Variants in ELK3 observed in about 807,000 individuals in gnomAD.
ELK3 encodes the protein ETS transcription factor ELK3.
A neutral mutation model predicts 28.9 loss-of-function variants in ELK3; 10 were observed. The observed-to-expected ratio is 0.35, with a 90% CI of 0.21 to 0.59. The LOEUF (loss-of-function observed/expected upper bound fraction) is 0.59, where lower values mean the gene tolerates loss of function less well. ELK3 is among the 20% of genes least tolerant of loss of function. ELK3 has a pLI of 0.82. For missense variants in ELK3, 463 were observed against 517.3 expected (o/e 0.90, Z 1.02); for synonymous variants, 272 against 243.5 (o/e 1.12, Z -1.09).
rs773099453 is a variant in ELK3, at chr12:96,267,963, T to C, written c.*783T>C. The C allele has an allele frequency of 2.0e-5, 3 of 152,230 alleles. No individual in the cohort carries two copies. The highest frequency in any genetic ancestry group is 2.9e-5 in the Non-Finnish European group (2 of 68,022). 9.4% of individuals were successfully genotyped at this position (152,230 alleles called of 1,614,324 possible). A position where few individuals can be genotyped will look rare whatever the true frequency, so the allele number is the denominator to read the frequency against. The stretch of plus-strand genomic sequence containing the variant: ...TCTGAGATGGAAAAGCTACATCAAG[T>C]TCATGCTATTCCAGGCCCAAGAATA... On this transcript the variant is annotated 3_prime_UTR_variant, in exon 5 of 5. Transcript: ENST00000228741.
chr12:96,267,492 G>A lies in ELK3; in HGVS notation c.*312G>A, dbSNP rs574696191. ...AATGGTTTTCAGTATAACTAATAAG[G>A]ATGTGAAGCTTTTTTCTCTTTAGTT... is the stretch of plus-strand genomic sequence containing the variant. On this transcript the variant is annotated 3_prime_UTR_variant, in exon 5 of 5. Coordinates refer to ENST00000228741, the MANE Select transcript of ELK3 (RefSeq NM_005230.4). 2 of 219,502 alleles carry A rather than the reference G, an allele frequency of 9.1e-6. No homozygotes were observed. Among genetic ancestry groups the A allele is most frequent in the African/African-American group, 2.3e-5 (1 of 43,238 alleles). 13.6% of individuals were successfully genotyped at this position (219,502 alleles called of 1,614,324 possible). A position where few individuals can be genotyped will look rare whatever the true frequency, so the allele number is the denominator to read the frequency against.
intron 3 of ELK3, among the ~76,000 whole-genome samples, chr12:96,253,726 C>T (rs991817065): frequency 3.3e-5 from 5 of 152,166 alleles, no homozygotes; most frequent in Admixed American, 2.6e-4. Context: ...AGTGACTTAC[C>T]GGTATCTCAG....
chr12:96,249,090 T>C (rs753570693), intron 3 of ELK3, among the ~76,000 whole-genome samples: 2 of 152,234 alleles, frequency 1.3e-5, no homozygotes, highest in Non-Finnish European at 2.9e-5. Flanking sequence ...GCTATTATTA[T>C]CATCCTGTTT....
chr12:96,201,327 A>G (rs1332972724), intron 1 of ELK3, among the ~76,000 whole-genome samples: 2 of 152,134 alleles, frequency 1.3e-5, no homozygotes, highest in Non-Finnish European at 2.9e-5. Flanking sequence ...ATGGTAAAGT[A>G]GTTGAAGTGG....
intron 2 of ELK3, among the ~76,000 whole-genome samples, chr12:96,224,732 C>T (rs190098257): frequency 1.3e-5 from 2 of 152,200 alleles, no homozygotes; most frequent in Non-Finnish European, 2.9e-5. Context: ...CAGTTTGAAT[C>T]TGTTGTTGCT....
At chr12:96,211,398 A>G (rs1157709564) in intron 1 of ELK3, among the ~76,000 whole-genome samples, 1 of 152,022 alleles carries the variant, frequency 6.6e-6, no homozygotes, top group Non-Finnish European at 1.5e-5. Flanking sequence ...GTATAGCTGT[A>G]TATTTTTCCT....
chr12:96,208,625 T>A (rs1951554606), intron 1 of ELK3, among the ~76,000 whole-genome samples: 1 of 151,652 alleles, frequency 6.6e-6, no homozygotes, highest in Non-Finnish European at 1.5e-5. Context: ...GAGAGACGAG[T>A]TTTGGTGGAG....
intron 2 of ELK3, among the ~76,000 whole-genome samples, chr12:96,242,059 A>G (rs1951825382): frequency 1.3e-5 from 2 of 152,272 alleles, no homozygotes; most frequent in Non-Finnish European, 2.9e-5. Context: ...GCTCCACCCG[A>G]CACAGACCAG....
chr12:96,249,247 G>A (rs1476096034), intron 3 of ELK3, among the ~76,000 whole-genome samples: 1 of 152,212 alleles, frequency 6.6e-6, no homozygotes, highest in Non-Finnish European at 1.5e-5. Context: ...AGAAGGCAGT[G>A]TCCCTGATCA....
chr12:96,223,947 T>C (rs1951681318), intron 2 of ELK3, 174 bp downstream of exon 2: 1 of 670,588 alleles, frequency 1.5e-6, no homozygotes, highest in East Asian at 2.8e-5. Flanking sequence ...CCCCACCCTC[T>C]GGACGCCCTT....
At chr12:96,264,903 A>G (rs190183362) in intron 4 of ELK3, among the ~76,000 whole-genome samples, 23 of 152,302 alleles carry the variant, frequency 1.5e-4, no homozygotes, top group African/African-American at 4.8e-4. Flanking sequence ...CAGTAATTCT[A>G]TTTTAGAGAT....
chr12:96,214,105 T>A (rs1951594000), intron 1 of ELK3, among the ~76,000 whole-genome samples: 1 of 152,162 alleles, frequency 6.6e-6, no homozygotes, highest in Admixed American at 6.5e-5. Flanking sequence ...GCAACCTTTC[T>A]CTTTCCCAAG....
At chr12:96,213,508 A>G (rs1951590422) in intron 1 of ELK3, among the ~76,000 whole-genome samples, 2 of 152,164 alleles carry the variant, frequency 1.3e-5, no homozygotes, top group African/African-American at 4.8e-5. Context: ...CTGTGGGAAA[A>G]AGTCGAATGG....
intron 2 of ELK3, among the ~76,000 whole-genome samples, chr12:96,239,113 A>C (rs1319333712): frequency 6.6e-6 from 1 of 152,256 alleles, no homozygotes; most frequent in Admixed American, 6.5e-5. Flanking sequence ...CAAGTAATAC[A>C]TATCAAATAT....
At chr12:96,214,420 G>T (rs1951596329) in intron 1 of ELK3, among the ~76,000 whole-genome samples, 1 of 151,380 alleles carries the variant, frequency 6.6e-6, no homozygotes, top group East Asian at 1.9e-4. Context: ...GACAGAGCAA[G>T]ACTCTGTCTC....
chr12:96,261,904 T>C (rs576110638), intron 4 of ELK3, among the ~76,000 whole-genome samples: 244 of 152,238 alleles, frequency 1.6e-3, no homozygotes, highest in African/African-American at 5.7e-3. Context: ...GACCAATGGT[T>C]CTCAAAGTTA....
chr12:96,209,657 C>T (rs1048670912), intron 1 of ELK3, among the ~76,000 whole-genome samples: 1 of 152,142 alleles, frequency 6.6e-6, no homozygotes, highest in African/African-American at 2.4e-5. Flanking sequence ...CATTTTCTTA[C>T]ATTGACAACC....
rs79501662 is a variant in ELK3 at position 96,241,022 on chromosome 12, G to A, written c.208-5918G>A. On this transcript the variant is annotated intron_variant, in intron 2 of 4. Transcript: ENST00000228741. Reference sequence around the variant, plus strand: ...GGAGGTGTGAGGTTGTATGTAGCATGTGGAGTTTGCATATGGCCTCTAATA... The same window carrying A: ...GGAGGTGTGAGGTTGTATGTAGCATATGGAGTTTGCATATGGCCTCTAATA... Among the ~76,000 whole-genome samples, 111 of 152,346 alleles carry A rather than the reference G, an allele frequency of 7.3e-4. 2 individuals carry two copies. The East Asian group carries it at 0.02, about 28-fold the overall frequency.
At chr12:96,259,989 T>A in intron 4 of ELK3, 136 bp downstream of exon 4, 1 of 1,233,034 alleles carries the variant, frequency 8.1e-7, no homozygotes, top group African/African-American at 1.5e-5. Context: ...TTCATGTTAG[T>A]GGGGTTGCAC....
Sources: gnomAD v4.1 joint callset for allele counts (sites outside exome capture counted in the v4.1 genomes callset) on GRCh38, gnomAD v4.1.1 for gene constraint, MANE v1.5 for transcripts, NCBI Gene and HGNC (gene_info 2026-07-23, HGNC 2026-07-21) for gene names.